TGFA: variants seen among roughly 807,000 people sequenced by gnomAD.
TGFA encodes the protein protransforming growth factor alpha.
Under a neutral mutation model 21.7 loss-of-function variants are expected in TGFA, and 12 were observed. The observed-to-expected ratio is 0.55, with a 90% CI of 0.35 to 0.90. TGFA has a LOEUF of 0.90. Ranked by LOEUF, TGFA falls within the 40% of genes least tolerant of loss-of-function variation. The probability of loss-of-function intolerance (pLI) is 0.01; values close to 1 mark genes in which losing one functional copy is unlikely to be tolerated. For synonymous variants in TGFA, 79 were observed against 88.1 expected, an observed-to-expected ratio of 0.90 and a Z score of 0.58; for missense variants, 178 against 210.8, an observed-to-expected ratio of 0.84 and a Z score of 0.96.
At chr2:70,525,930 T>C (rs1392397882) in intron 1 of TGFA, among the ~76,000 whole-genome samples, 1 of 152,198 alleles carries the variant, frequency 6.6e-6, no homozygotes, top group African/African-American at 2.4e-5. Flanking sequence ...CTTGTCTTGC[T>C]TAACATATTG....
At chr2:70,487,700 T>G (rs1671307784) in intron 2 of TGFA, among the ~76,000 whole-genome samples, 1 of 152,240 alleles carries the variant, frequency 6.6e-6, no homozygotes, top group Non-Finnish European at 1.5e-5. Context: ...GAAGTTTTCA[T>G]CTAATATATA....
intron 2 of TGFA, among the ~76,000 whole-genome samples, chr2:70,482,570 C>G (rs1173224931): frequency 6.6e-6 from 1 of 152,206 alleles, no homozygotes; most frequent in African/African-American, 2.4e-5. Context: ...CTGGCTGTTT[C>G]TCCACTTAAA....
At chr2:70,493,518 A>G (rs1041941946) in intron 2 of TGFA, among the ~76,000 whole-genome samples, 2 of 152,186 alleles carry the variant, frequency 1.3e-5, no homozygotes, top group Non-Finnish European at 2.9e-5. Flanking sequence ...GATGGCTTCT[A>G]ACCTCTGTGT....
At chr2:70,452,321 T>C (rs754288411) in intron 5 of TGFA, among the ~76,000 whole-genome samples, 16 of 152,152 alleles carry the variant, frequency 1.1e-4, no homozygotes, top group Non-Finnish European at 1.8e-4. Flanking sequence ...TGAAGGACTC[T>C]TCACCTCCAC....
intron 1 of TGFA, among the ~76,000 whole-genome samples, chr2:70,549,285 G>C (rs1003853411): frequency 4.6e-5 from 7 of 152,226 alleles, no homozygotes; most frequent in Admixed American, 6.5e-5. Context: ...ATAGTAGCTT[G>C]TAAATTCACG....
At position 70,456,412 on chromosome 2, in the gene TGFA, GCTT is replaced by G; in HGVS notation, c.289_291del (p.Lys97del). ...ACCACCACCAAGGCGGTGATGGCCT[GCTT>G]CTTCTGGCTGGCAGCCACCACGGCC... is the stretch of plus-strand genomic sequence containing the variant. On this transcript the variant is annotated inframe_deletion, in exon 4 of 6. Transcript: ENST00000295400. The G allele has an allele frequency of 1.3e-6, 2 of 1,595,506 alleles. No individual in the cohort carries two copies. Among genetic ancestry groups the G allele is most frequent in the Non-Finnish European group, 1.7e-6 (2 of 1,171,338 alleles).
At chr2:70,534,438 G>A (rs1339190362) in intron 1 of TGFA, among the ~76,000 whole-genome samples, 3 of 152,192 alleles carry the variant, frequency 2.0e-5, no homozygotes, top group Non-Finnish European at 4.4e-5. Context: ...GTGCCCCAGG[G>A]GCTGTGGCTC....
intron 2 of TGFA, among the ~76,000 whole-genome samples, chr2:70,505,417 A>G (rs1574112449): frequency 6.6e-6 from 1 of 152,222 alleles, no homozygotes; most frequent in Non-Finnish European, 1.5e-5. Context: ...TTAACAGGAT[A>G]TCAGATATAG....
chr2:70,464,812 T>C (rs926027148), intron 3 of TGFA, among the ~76,000 whole-genome samples: 16 of 152,234 alleles, frequency 1.1e-4, no homozygotes, highest in Admixed American at 6.5e-4. Context: ...GTCTCCCTGG[T>C]GTAGCCACAC....
intron 4 of TGFA, among the ~76,000 whole-genome samples, chr2:70,455,153 T>G (rs981878235): frequency 6.6e-6 from 1 of 152,178 alleles, no homozygotes; most frequent in Non-Finnish European, 1.5e-5. Flanking sequence ...TGGATACTGC[T>G]TGGTGGGGAG....
intron 1 of TGFA, among the ~76,000 whole-genome samples, chr2:70,549,589 G>C (rs557189798): frequency 2.9e-4 from 44 of 152,274 alleles, no homozygotes; most frequent in African/African-American, 9.9e-4. Context: ...GTGACACCAA[G>C]CACAAGATGC....
chr2:70,481,973 T>C (rs1194316385), intron 2 of TGFA, among the ~76,000 whole-genome samples: 1 of 152,194 alleles, frequency 6.6e-6, no homozygotes, highest in African/African-American at 2.4e-5. Context: ...AGACCCTGTG[T>C]GGGAAAATAA....
intron 2 of TGFA, among the ~76,000 whole-genome samples, chr2:70,469,758 C>T (rs186694544): frequency 8.5e-5 from 13 of 152,354 alleles, no homozygotes; most frequent in Admixed American, 7.8e-4. Flanking sequence ...AGCTGATTAT[C>T]TTCCAGCTCT....
At chr2:70,469,957 TTTTTATAAA>T (rs1344230794) in intron 2 of TGFA, among the ~76,000 whole-genome samples, 1 of 152,196 alleles carries the variant, frequency 6.6e-6, no homozygotes, top group Non-Finnish European at 1.5e-5. Flanking sequence ...CCTTTGCCTC[TTTTTATAAA>T]TGACATGAGG....
Position 70,538,614 on chromosome 2 carries a change from AT to A in TGFA, c.40+15113del, listed in dbSNP as rs367620467. Among the ~76,000 whole-genome samples the A allele has an allele frequency of 4.9e-3, 741 of 152,354 alleles. 4 individuals carry two copies. The highest frequency in any genetic ancestry group is 0.017 in the African/African-American group (702 of 41,578). ...TGGTGGGAATAGCAAGAGAACTGGAATTAGAAGTAAAGCCCGAAGATGAGAC... is the reference window on the plus strand; with the variant it reads ...TGGTGGGAATAGCAAGAGAACTGGAATAGAAGTAAAGCCCGAAGATGAGAC... On this transcript the variant is annotated intron_variant, in intron 1 of 5. Transcript: ENST00000295400.
chr2:70,466,236 C>T (rs1322376470), intron 2 of TGFA, among the ~76,000 whole-genome samples: 3 of 152,172 alleles, frequency 2.0e-5, no homozygotes, highest in African/African-American at 4.8e-5. Context: ...GTCTGTATAG[C>T]GGTGGCTCAC....
chr2:70,515,827 C>T (rs906069236), intron 1 of TGFA, among the ~76,000 whole-genome samples: 3 of 152,178 alleles, frequency 2.0e-5, no homozygotes, highest in Non-Finnish European at 4.4e-5. Flanking sequence ...AGCAGGACCA[C>T]GGGAACAAAG....
chr2:70,489,138 C>T (rs545472185), intron 2 of TGFA, among the ~76,000 whole-genome samples: 3 of 152,332 alleles, frequency 2.0e-5, no homozygotes, highest in Admixed American at 6.5e-5. Flanking sequence ...GTTTACTCCT[C>T]TGTAAACTGT....
chr2:70,462,968 A>T (rs1258644220), intron 3 of TGFA, among the ~76,000 whole-genome samples: 1 of 152,024 alleles, frequency 6.6e-6, no homozygotes, highest in East Asian at 1.9e-4. Flanking sequence ...GAGGAGGGTT[A>T]ATTTGCAGGG....
Sources: gnomAD v4.1 joint callset for allele counts (sites outside exome capture counted in the v4.1 genomes callset) on GRCh38, gnomAD v4.1.1 for gene constraint, MANE v1.5 for transcripts, NCBI Gene and HGNC (gene_info 2026-07-23, HGNC 2026-07-21) for gene names.